EVX2: variants seen among roughly 807,000 people sequenced by gnomAD.
EVX2 encodes homeobox even-skipped homolog protein 2.
Under a neutral mutation model 19.2 loss-of-function variants are expected in EVX2, and 10 were observed. The ratio of observed to expected loss-of-function variants is 0.52; its 90% CI spans 0.32 to 0.89. The LOEUF (loss-of-function observed/expected upper bound fraction) is 0.89, where lower values mean the gene tolerates loss of function less well. Among genes scored for constraint, EVX2 ranks in the 40% least tolerant of loss-of-function variants. The probability of loss-of-function intolerance (pLI) is 0.03; values close to 1 mark genes in which losing one functional copy is unlikely to be tolerated. For missense variants in EVX2, 710 were observed against 694.9 expected, an observed-to-expected ratio of 1.02 and a Z score of -0.24; for synonymous variants, 354 against 328.4, an observed-to-expected ratio of 1.08 and a Z score of -0.84.
rs762025245 is a variant in EVX2 at position 176,083,331 on chromosome 2, G to A, written c.427+19C>T. 6.4e-6 allele frequency: 10 copies of A among 1,556,962 alleles called. No individual in the cohort carries two copies. The East Asian group carries it at 1.2e-4, about 19-fold the overall frequency. ...AAAGAGGATGGGACTGGAGAGCGCG[G>A]TGCGGCCGGCGCGGTTACCTTTGCC... On this transcript the variant is annotated intron_variant, in intron 1 of 2. Coordinates refer to ENST00000308618, the MANE Select transcript of EVX2 (RefSeq NM_001080458.2). This position sits in a 1 kb window ranked among gnomAD's most constrained non-coding sequence, Gnocchi z 4.4.
rs976052023 is a variant in EVX2 at position 176,081,456 on chromosome 2, A to C, written c.700-618T>G. On this transcript the variant is annotated intron_variant, in intron 2 of 2. Coordinates refer to ENST00000308618, the MANE Select transcript of EVX2 (RefSeq NM_001080458.2). The surrounding 1 kb of genome is among the most constrained non-coding windows in gnomAD (Gnocchi z 5.9). ...TCTAATAAAGACATCATTCGTCACA[A>C]CTCTAAATTAAAGAAAGCCCGATCA... Among the ~76,000 whole-genome samples the C allele has an allele frequency of 6.6e-6, 1 of 151,828 alleles. No homozygotes were observed. The highest frequency in any genetic ancestry group is 6.6e-5 in the Admixed American group (1 of 15,244).
Position 176,082,558 on chromosome 2 carries a change from G to T in EVX2, c.428-109C>A. ...CCGTCAGGAAGGAGAGTCGCTGCCG[G>T]AATTGATGGGGTCTGTCATGCTTAC... is the stretch of plus-strand genomic sequence containing the variant. On this transcript the variant is annotated intron_variant, in intron 1 of 2. Coordinates refer to ENST00000308618, the MANE Select transcript of EVX2 (RefSeq NM_001080458.2). This position sits in a 1 kb window ranked among gnomAD's most constrained non-coding sequence, Gnocchi z 5.2. 7.8e-7 allele frequency: 1 copy of T among 1,277,968 alleles called. No homozygotes were observed. Among genetic ancestry groups the T allele is most frequent in the Non-Finnish European group, 1.1e-6 (1 of 951,978 alleles). The allele number at this position is 1,277,968 out of a possible 1,614,324, so 79.2% of individuals were successfully genotyped here.
Position 176,080,440 on chromosome 2 carries a change from TGCGGCTGCCGCGGCTGCC to T in EVX2, c.1080_1097del (p.Ala365_Ala370del). ...CCGCCGCCGAGGAGGCCGCAGCCGC[TGCGGCTGCCGCGGCTGCC>T]GCGGCAGAGGCCGCGCTGTTGAGCC... On this transcript the variant is annotated inframe_deletion, in exon 3 of 3. Coordinates refer to ENST00000308618, the MANE Select transcript of EVX2 (RefSeq NM_001080458.2). The surrounding 1 kb of genome is among the most constrained non-coding windows in gnomAD (Gnocchi z 7.0). 7.0e-6 allele frequency: 8 copies of T among 1,137,918 alleles called. No homozygotes were observed. The highest frequency in any genetic ancestry group is 8.6e-6 in the Non-Finnish European group (8 of 930,738). The allele number at this position is 1,137,918 out of a possible 1,614,324, so 70.5% of individuals were successfully genotyped here.
Position 176,080,716 on chromosome 2 carries a change from C to T in EVX2, c.822G>A (p.Leu274=), listed in dbSNP as rs749153969. Residue 274 remains leucine, a synonymous_variant, in exon 3 of 3, where the codon CTG becomes CTA. Transcript: ENST00000308618. This position sits in a 1 kb window ranked among gnomAD's most constrained non-coding sequence, Gnocchi z 7.0. ...MMTHAAATGS[L]PYPFHSHVPL... ...GCACGTGCGAGTGGAAGGGGTAGGGCAGGCTTCCGGTGGCGGCCGCGTGCG... is the reference window on the plus strand; with the variant it reads ...GCACGTGCGAGTGGAAGGGGTAGGGTAGGCTTCCGGTGGCGGCCGCGTGCG... The T allele has an allele frequency of 1.9e-6, 3 of 1,606,620 alleles. No homozygotes were observed. In the Admixed American group the frequency reaches 5.0e-5, roughly 27 times the overall value.
In EVX2 at chr2:176,080,847, A is replaced by T. The variant is rs1244369693; in HGVS notation, c.700-9T>A. Reference sequence around the variant, plus strand: ...CGGTTCTGGAACCACACCTGCGGGGAGAGACGCGCCGCAGCCTGGGTTAGG... The same window carrying T: ...CGGTTCTGGAACCACACCTGCGGGGTGAGACGCGCCGCAGCCTGGGTTAGG... On this transcript the variant is annotated splice_polypyrimidine_tract_variant and intron_variant, in intron 2 of 2. Coordinates refer to ENST00000308618, the MANE Select transcript of EVX2 (RefSeq NM_001080458.2). The surrounding 1 kb of genome is among the most constrained non-coding windows in gnomAD (Gnocchi z 7.0). 2.5e-6 allele frequency: 4 copies of T among 1,605,952 alleles called. No homozygotes were observed. The African/African-American group carries it at 5.4e-5, about 22-fold the overall frequency.
chr2:176,083,846 A>T lies in EVX2; in HGVS notation c.-70T>A. ...TAATGATAGGCTGCGCCTAGGGCTA[A>T]TTCTCATTCAGCCCCAGCGAACGCC... On this transcript the variant is annotated 5_prime_UTR_variant, in exon 1 of 3. Transcript: ENST00000308618. This position sits in a 1 kb window ranked among gnomAD's most constrained non-coding sequence, Gnocchi z 4.4. 1.5e-6 allele frequency: 2 copies of T among 1,338,354 alleles called. No homozygotes were observed. The highest frequency in any genetic ancestry group is 1.0e-6 in the Non-Finnish European group (1 of 968,904). The allele number at this position is 1,338,354 out of a possible 1,614,324, so 82.9% of individuals were successfully genotyped here. A position where few individuals can be genotyped will look rare whatever the true frequency, so the allele number is the denominator to read the frequency against.
rs1407982720 is a variant in EVX2 at position 176,080,420 on chromosome 2, G to T, written c.1118C>A (p.Ala373Glu). The change falls in exon 3 of 3, where the codon GCG (alanine) becomes GAG (glutamate). Residue 373 changes from alanine to glutamate, a missense_variant. Transcript: ENST00000308618. This position sits in a 1 kb window ranked among gnomAD's most constrained non-coding sequence, Gnocchi z 7.0. Reference sequence around the variant, plus strand: ...GCTGGGGGGCGCGCCGGCCGCCGCCGCCGAGGAGGCCGCAGCCGCTGCGGC... The same window carrying T: ...GCTGGGGGGCGCGCCGGCCGCCGCCTCCGAGGAGGCCGCAGCCGCTGCGGC... ...AAAAAAAASS[A>E]AAAGAPPSGG... 2 of 1,080,794 alleles carry T rather than the reference G, an allele frequency of 1.9e-6. No homozygotes were observed. Among genetic ancestry groups the T allele is most frequent in the Non-Finnish European group, 2.2e-6 (2 of 893,208 alleles). The allele number at this position is 1,080,794 out of a possible 1,614,324, so 67.0% of individuals were successfully genotyped here.
At position 176,080,965 on chromosome 2, in the gene EVX2, C is replaced by T; in HGVS notation, c.700-127G>A. ...CTACTTCTCTCCGACCAAGCCCAAC[C>T]CCGAGTACCCTGTGGTCTCCCAGCT... On this transcript the variant is annotated intron_variant, in intron 2 of 2. Coordinates refer to ENST00000308618, the MANE Select transcript of EVX2 (RefSeq NM_001080458.2). The surrounding 1 kb of genome is among the most constrained non-coding windows in gnomAD (Gnocchi z 7.0). The T allele has an allele frequency of 1.6e-6, 2 of 1,219,246 alleles. No homozygotes were observed. The highest frequency in any genetic ancestry group is 1.1e-6 in the Non-Finnish European group (1 of 903,522). The allele number at this position is 1,219,246 out of a possible 1,614,324, so 75.5% of individuals were successfully genotyped here.
At position 176,080,169 on chromosome 2, in the gene EVX2, C is replaced by T. The variant is rs1359378506; in HGVS notation, c.1369G>A (p.Val457Met). Reference protein sequence around the residue: ...ESGFLPYSAAVLSKTAVSPPD... With the variant: ...ESGFLPYSAAMLSKTAVSPPD... ...GGGCTCACGGCCGTCTTACTAAGCA[C>T]CGCGGCCGAGTAGGGCAGGAAGCCG... Residue 457 changes from valine to methionine, a missense_variant, in exon 3 of 3, where the codon GTG (valine) becomes ATG (methionine). Val to Met is a conservative substitution (Grantham distance 21). Transcript: ENST00000308618. This position sits in a 1 kb window ranked among gnomAD's most constrained non-coding sequence, Gnocchi z 7.0. The T allele has an allele frequency of 1.3e-6, 2 of 1,532,184 alleles. No homozygotes were observed. Among genetic ancestry groups the T allele is most frequent in the Non-Finnish European group, 1.7e-6 (2 of 1,144,026 alleles). 94.9% of individuals were successfully genotyped at this position (1,532,184 alleles called of 1,614,324 possible).
chr2:176,080,281 A>ACCGCCG lies in EVX2; in HGVS notation c.1251_1256dup (p.Gly427_Gly428dup). The stretch of plus-strand genomic sequence containing the variant: ...CCCCGCCGCCGCCGCCACCACCACC[A>ACCGCCG]CCGCCGCCGCCACCGCCACCCCGGG... On this transcript the variant is annotated inframe_insertion, in exon 3 of 3. Coordinates refer to ENST00000308618, the MANE Select transcript of EVX2 (RefSeq NM_001080458.2). This position sits in a 1 kb window ranked among gnomAD's most constrained non-coding sequence, Gnocchi z 7.0. 7.9e-7 allele frequency: 1 copy of ACCGCCG among 1,267,588 alleles called. No homozygotes were observed. The highest frequency in any genetic ancestry group is 1.0e-6 in the Non-Finnish European group (1 of 1,000,018). The allele number at this position is 1,267,588 out of a possible 1,614,324, so 78.5% of individuals were successfully genotyped here. A position where few individuals can be genotyped will look rare whatever the true frequency, so the allele number is the denominator to read the frequency against.
rs1689176491 is a variant in EVX2 at position 176,083,422 on chromosome 2, C to G, written c.355G>C (p.Glu119Gln). 1 of 1,613,700 alleles carries G rather than the reference C, an allele frequency of 6.2e-7. No homozygotes were observed. The highest frequency in any genetic ancestry group is 1.3e-5 in the African/African-American group (1 of 74,934). Residue 119 changes from glutamate to glutamine, a missense_variant, in exon 1 of 3, where the codon GAG (glutamate) becomes CAG (glutamine). Physicochemically the swap from Glu to Gln is conservative, Grantham distance 29. Coordinates refer to ENST00000308618, the MANE Select transcript of EVX2 (RefSeq NM_001080458.2). This position sits in a 1 kb window ranked among gnomAD's most constrained non-coding sequence, Gnocchi z 4.4. ...GAGCGAAGCGCGGAGCAGCCCACCTCCACGTCGCTGCTCATGTCGGCCTCA... is the reference window on the plus strand; with the variant it reads ...GAGCGAAGCGCGGAGCAGCCCACCTGCACGTCGCTGCTCATGTCGGCCTCA... Reference protein sequence around the residue: ...AAEADMSSDVEVGCSALRSPG... With the variant: ...AAEADMSSDVQVGCSALRSPG...
Position 176,080,882 on chromosome 2 carries a change from G to A in EVX2, c.700-44C>T, listed in dbSNP as rs769735456. 14 of 1,573,930 alleles carry A rather than the reference G, an allele frequency of 8.9e-6. No homozygotes were observed. The highest frequency in any genetic ancestry group is 1.2e-5 in the Non-Finnish European group (14 of 1,162,464). On this transcript the variant is annotated intron_variant, in intron 2 of 2. Coordinates refer to ENST00000308618, the MANE Select transcript of EVX2 (RefSeq NM_001080458.2). This position sits in a 1 kb window ranked among gnomAD's most constrained non-coding sequence, Gnocchi z 7.0. ...CGCAGCCTGGGTTAGGGAGCGCCCC[G>A]TGTTCCCAGCTCCTGTCCCAGGACC...
chr2:176,080,257 C>A lies in EVX2; in HGVS notation c.1281G>T (p.Gly427=). 1 of 1,316,750 alleles carries A rather than the reference C, an allele frequency of 7.6e-7. No individual in the cohort carries two copies. The highest frequency in any genetic ancestry group is 9.7e-7 in the Non-Finnish European group (1 of 1,033,584). The allele number at this position is 1,316,750 out of a possible 1,614,324, so 81.6% of individuals were successfully genotyped here. The change falls in exon 3 of 3, where the codon GGG becomes GGT. Residue 427 remains glycine, a synonymous_variant. Transcript: ENST00000308618. This position sits in a 1 kb window ranked among gnomAD's most constrained non-coding sequence, Gnocchi z 7.0. ...CCGAGCCTCCCCCGGCCCCGGCGCC[C>A]CCGCCGCCGCCGCCACCACCACCAC... ...GGGGGGGGGG[G]GAGAGGGSDF...
At position 176,082,536 on chromosome 2, in the gene EVX2, T is replaced by G. The variant is rs935039558; in HGVS notation, c.428-87A>C. The G allele has an allele frequency of 6.9e-7, 1 of 1,448,380 alleles. No homozygotes were observed. Among genetic ancestry groups the G allele is most frequent in the African/African-American group, 1.5e-5 (1 of 68,096 alleles). 89.7% of individuals were successfully genotyped at this position (1,448,380 alleles called of 1,614,324 possible). A position where few individuals can be genotyped will look rare whatever the true frequency, so the allele number is the denominator to read the frequency against. On this transcript the variant is annotated intron_variant, in intron 1 of 2. Coordinates refer to ENST00000308618, the MANE Select transcript of EVX2 (RefSeq NM_001080458.2). The surrounding 1 kb of genome is among the most constrained non-coding windows in gnomAD (Gnocchi z 5.2). ...CTGCGCGCGGATCGGGGAAGCCCCGTCAGGAAGGAGAGTCGCTGCCGGAAT... is the reference window on the plus strand; with the variant it reads ...CTGCGCGCGGATCGGGGAAGCCCCGGCAGGAAGGAGAGTCGCTGCCGGAAT...
rs77597349 is a variant in EVX2 at position 176,081,079 on chromosome 2, C to T, written c.700-241G>A. ...TCTCCCCCGCGTCCGGCTGCTGCTG[C>T]TCCTCAGGCTTTTATTCCCTTACTT... On this transcript the variant is annotated intron_variant, in intron 2 of 2. Coordinates refer to ENST00000308618, the MANE Select transcript of EVX2 (RefSeq NM_001080458.2). The surrounding 1 kb of genome is among the most constrained non-coding windows in gnomAD (Gnocchi z 5.9). Among the ~76,000 whole-genome samples the T allele has an allele frequency of 4.8e-3, 733 of 152,320 alleles. 42 individuals carry two copies. The East Asian group carries it at 0.12, about 26-fold the overall frequency.
rs1689154821 is a variant in EVX2, at chr2:176,082,055, C to T, written c.699+123G>A. The T allele has an allele frequency of 5.6e-6, 6 of 1,071,000 alleles. No homozygotes were observed. The highest frequency in any genetic ancestry group is 3.2e-5 in the Admixed American group (1 of 31,628). 66.3% of individuals were successfully genotyped at this position (1,071,000 alleles called of 1,614,324 possible). On this transcript the variant is annotated intron_variant, in intron 2 of 2. Coordinates refer to ENST00000308618, the MANE Select transcript of EVX2 (RefSeq NM_001080458.2). This position sits in a 1 kb window ranked among gnomAD's most constrained non-coding sequence, Gnocchi z 5.2. Reference sequence around the variant, plus strand: ...AATAAGCCAATTCCTTTGGTGACTACCCCCCGCGGATTTCCAGACCCTTAG... The same window carrying T: ...AATAAGCCAATTCCTTTGGTGACTATCCCCCGCGGATTTCCAGACCCTTAG...
chr2:176,083,329 C>T lies in EVX2; in HGVS notation c.427+21G>A. ...GCAAAGAGGATGGGACTGGAGAGCGCGGTGCGGCCGGCGCGGTTACCTTTG... is the reference window on the plus strand; with the variant it reads ...GCAAAGAGGATGGGACTGGAGAGCGTGGTGCGGCCGGCGCGGTTACCTTTG... On this transcript the variant is annotated intron_variant, in intron 1 of 2. Coordinates refer to ENST00000308618, the MANE Select transcript of EVX2 (RefSeq NM_001080458.2). The surrounding 1 kb of genome is among the most constrained non-coding windows in gnomAD (Gnocchi z 4.4). The T allele has an allele frequency of 6.4e-7, 1 of 1,554,544 alleles. No individual in the cohort carries two copies. Among genetic ancestry groups the T allele is most frequent in the Non-Finnish European group, 8.7e-7 (1 of 1,148,282 alleles).
In EVX2 at chr2:176,080,323, AGCTGCTGCCGCG is replaced by A; in HGVS notation, c.1203_1214del (p.Ala405_Ala408del). Reference sequence around the variant, plus strand: ...CACCCCGGGAACCCAGGGCTGCGGCAGCTGCTGCCGCGGCTGCCGCCGCCGACTGACTGCTGT... The same window carrying A: ...CACCCCGGGAACCCAGGGCTGCGGCAGCTGCCGCCGCCGACTGACTGCTGT... On this transcript the variant is annotated inframe_deletion, in exon 3 of 3. Transcript: ENST00000308618. This position sits in a 1 kb window ranked among gnomAD's most constrained non-coding sequence, Gnocchi z 7.0. 7.7e-7 allele frequency: 1 copy of A among 1,296,638 alleles called. No individual in the cohort carries two copies. The highest frequency in any genetic ancestry group is 9.9e-7 in the Non-Finnish European group (1 of 1,012,126). 80.3% of individuals were successfully genotyped at this position (1,296,638 alleles called of 1,614,324 possible).
chr2:176,080,990 TG>T lies in EVX2; in HGVS notation c.700-153del. ...CCCGAGTACCCTGTGGTCTCCCAGC[TG>T]GGAAAGTGTGGACGGCAGTGTGTGG... On this transcript the variant is annotated intron_variant, in intron 2 of 2. Coordinates refer to ENST00000308618, the MANE Select transcript of EVX2 (RefSeq NM_001080458.2). This position sits in a 1 kb window ranked among gnomAD's most constrained non-coding sequence, Gnocchi z 7.0. 9.6e-7 allele frequency: 1 copy of T among 1,046,080 alleles called. No individual in the cohort carries two copies. The highest frequency in any genetic ancestry group is 1.3e-6 in the Non-Finnish European group (1 of 749,900). The allele number at this position is 1,046,080 out of a possible 1,614,324, so 64.8% of individuals were successfully genotyped here. A position where few individuals can be genotyped will look rare whatever the true frequency, so the allele number is the denominator to read the frequency against.
Sources: allele counts gnomAD v4.1 joint callset (sites outside exome capture counted in the v4.1 genomes callset), GRCh38; gene constraint gnomAD v4.1.1; non-coding constraint Gnocchi (gnomAD v3.1); transcripts MANE v1.5; gene names NCBI Gene and HGNC (gene_info 2026-07-23, HGNC 2026-07-21).